PRKN: variants seen among roughly 807,000 people sequenced by gnomAD.
The protein encoded by PRKN is parkin RBR E3 ubiquitin protein ligase, also known as E3 ubiquitin-protein ligase parkin.
PRKN carries 56 observed loss-of-function variants against 59.5 expected under a neutral mutation model. That is an observed-to-expected ratio of 0.94 (90% CI 0.76 to 1.18). The LOEUF (loss-of-function observed/expected upper bound fraction) is 1.18. Among genes scored for constraint, PRKN ranks in the 50% most tolerant of loss-of-function variants. The pLI is 0.00. For synonymous variants in PRKN, 250 were observed against 222.1 expected (o/e 1.13, Z -1.12); for missense variants, 657 against 596.4 (o/e 1.10, Z -1.06).
chr6:161,436,998 A>G (rs1057452807), intron 9 of PRKN, among the ~76,000 whole-genome samples: 6 of 152,030 alleles, frequency 3.9e-5, no homozygotes, highest in Non-Finnish European at 7.4e-5. Flanking sequence ...AGTCACCCCC[A>G]TTATCCAAGG....
intron 5 of PRKN, among the ~76,000 whole-genome samples, chr6:162,020,759 A>T (rs375053870): frequency 1.3e-5 from 2 of 152,100 alleles, no homozygotes; most frequent in South Asian, 4.1e-4. Context: ...TACATTTTAA[A>T]ATTTAGGAAT....
intron 7 of PRKN, chr6:161,783,539 A>G (rs146159926): frequency 1.1e-5 from 5 of 458,912 alleles, no homozygotes; most frequent in African/African-American, 1.0e-4. Context: ...TATGTTTGAA[A>G]TCGTCTAAAA....
intron 9 of PRKN, among the ~76,000 whole-genome samples, chr6:161,509,804 C>G (rs927475469): frequency 6.8e-6 from 1 of 146,602 alleles, no homozygotes; most frequent in Non-Finnish European, 1.5e-5. Flanking sequence ...TGCTTGAACC[C>G]AGGAGGCAGA....
chr6:162,581,220 C>G (rs1780778205), intron 1 of PRKN, among the ~76,000 whole-genome samples: 1 of 152,056 alleles, frequency 6.6e-6, no homozygotes, highest in Admixed American at 6.5e-5. Flanking sequence ...AAGTGAAGGT[C>G]AAAAGAGACA....
At position 161,458,096 on chromosome 6, in the gene PRKN, G is replaced by A. The variant is rs1035527628; in HGVS notation, c.1084-71219C>T. On this transcript the variant is annotated intron_variant, in intron 9 of 11. Coordinates refer to ENST00000366898, the MANE Select transcript of PRKN (RefSeq NM_004562.3). This position sits in a 1 kb window ranked among gnomAD's most constrained non-coding sequence, Gnocchi z 6.1. ...TTATAAGAAGAAAAAGAGAAATACA[G>A]CTCTTTGTACATTCAGATTCCTTTA... is the stretch of plus-strand genomic sequence containing the variant. Among the ~76,000 whole-genome samples, 1 of 152,104 alleles carries A rather than the reference G, an allele frequency of 6.6e-6. No individual in the cohort carries two copies. Among genetic ancestry groups the A allele is most frequent in the African/African-American group, 2.4e-5 (1 of 41,430 alleles).
intron 1 of PRKN, among the ~76,000 whole-genome samples, chr6:162,591,097 G>C (rs1316262350): frequency 6.6e-6 from 1 of 152,108 alleles, no homozygotes; most frequent in Non-Finnish European, 1.5e-5. Context: ...GCATCAGGCT[G>C]AGATTAGGCT....
chr6:162,365,642 G>A (rs1419694581), intron 2 of PRKN, among the ~76,000 whole-genome samples: 2 of 152,106 alleles, frequency 1.3e-5, no homozygotes, highest in Non-Finnish European at 2.9e-5. Flanking sequence ...TATTGGCGTG[G>A]TGGTTCCTGC....
At chr6:161,735,880 A>G (rs1162392726) in intron 7 of PRKN, among the ~76,000 whole-genome samples, 3 of 151,682 alleles carry the variant, frequency 2.0e-5, no homozygotes, top group Non-Finnish European at 2.9e-5. Flanking sequence ...GCTCCATTGT[A>G]CTCCAGCCTG....
chr6:161,879,384 C>T (rs1016965292), intron 6 of PRKN, among the ~76,000 whole-genome samples: 3 of 133,026 alleles, frequency 2.3e-5, no homozygotes, highest in Non-Finnish European at 4.6e-5. Context: ...TGCTCTGTTG[C>T]CCAGGCTGGG....
chr6:162,038,219 G>C (rs1562477055), intron 5 of PRKN, among the ~76,000 whole-genome samples: 1 of 151,954 alleles, frequency 6.6e-6, no homozygotes, highest in Non-Finnish European at 1.5e-5. Flanking sequence ...TTGGTACAAA[G>C]TTATTGTCAG....
rs1787927173 is a variant in PRKN, at chr6:161,417,954, C to CT, written c.1084-31078dup. On this transcript the variant is annotated intron_variant, in intron 9 of 11. Transcript: ENST00000366898. The surrounding 1 kb of genome is among the most constrained non-coding windows in gnomAD (Gnocchi z 5.4). ...CATGAGTAATGCTGGGAGCTGCAGG[C>CT]TGGCTTCCCACGCTCCCTCCTGGGC... 6.6e-6 allele frequency among the ~76,000 whole-genome samples: 1 copy of CT among 152,200 alleles called. No individual in the cohort carries two copies. Among genetic ancestry groups the CT allele is most frequent in the Admixed American group, 6.5e-5 (1 of 15,284 alleles).
chr6:161,844,045 C>T (rs1471037575), intron 6 of PRKN, among the ~76,000 whole-genome samples: 1 of 151,994 alleles, frequency 6.6e-6, no homozygotes, highest in African/African-American at 2.4e-5. Context: ...CTTAAGGCAA[C>T]AAGAAAATTT....
chr6:161,877,320 G>C (rs886948282), intron 6 of PRKN, among the ~76,000 whole-genome samples: 3 of 152,086 alleles, frequency 2.0e-5, no homozygotes, highest in Non-Finnish European at 4.4e-5. Flanking sequence ...TCATGTTCCT[G>C]ACCATCCCAG....
At chr6:162,265,962 T>C (rs955289374) in intron 2 of PRKN, among the ~76,000 whole-genome samples, 1 of 152,176 alleles carries the variant, frequency 6.6e-6, no homozygotes, top group Non-Finnish European at 1.5e-5. Flanking sequence ...CTGTCCATGA[T>C]CAGCTCCGTG....
At chr6:161,941,371 G>A (rs1779560677) in intron 6 of PRKN, among the ~76,000 whole-genome samples, 1 of 152,234 alleles carries the variant, frequency 6.6e-6, no homozygotes, top group Non-Finnish European at 1.5e-5. Flanking sequence ...GCAGAACGAT[G>A]TGGAGTGTGG....
At chr6:162,503,142 T>C (rs945925675) in intron 1 of PRKN, among the ~76,000 whole-genome samples, 5 of 146,618 alleles carry the variant, frequency 3.4e-5, no homozygotes, top group African/African-American at 1.0e-4. Context: ...ATTTCTTTTT[T>C]TTTTTTTTTT....
chr6:161,690,512 C>T (rs1464643828), intron 7 of PRKN, among the ~76,000 whole-genome samples: 2 of 152,206 alleles, frequency 1.3e-5, no homozygotes, highest in African/African-American at 4.8e-5. Flanking sequence ...TAATTTTATA[C>T]ATCCACTTGA....
At chr6:161,944,390 G>T (rs1267617800) in intron 6 of PRKN, among the ~76,000 whole-genome samples, 1 of 152,112 alleles carries the variant, frequency 6.6e-6, no homozygotes, top group Non-Finnish European at 1.5e-5. Context: ...TGCAAGGCCC[G>T]GCACAGACCC....
At chr6:162,352,160 C>G (rs1163863918) in intron 2 of PRKN, among the ~76,000 whole-genome samples, 3 of 152,236 alleles carry the variant, frequency 2.0e-5, no homozygotes, top group Admixed American at 6.5e-5. Context: ...CCGTAGGTCT[C>G]CCTGAAGCAC....
Sources: allele counts gnomAD v4.1 joint callset (sites outside exome capture counted in the v4.1 genomes callset), GRCh38; gene constraint gnomAD v4.1.1; non-coding constraint Gnocchi (gnomAD v3.1); transcripts MANE v1.5; gene names NCBI Gene and HGNC (gene_info 2026-07-23, HGNC 2026-07-21).